The following ADGB variants were observed in gnomAD, a reference collection of about 807,000 sequenced individuals.
The protein encoded by ADGB is calpain-7-like protein.
In ADGB, 172 loss-of-function variants were observed where a neutral mutation model predicts 210.5. The observed-to-expected ratio is 0.82, with a 90% confidence interval of 0.72 to 0.93. The LOEUF is 0.93. Among genes scored for constraint, ADGB ranks in the 40% least tolerant of loss-of-function variants. The pLI, the probability that ADGB is intolerant of heterozygous loss-of-function variation, is 0.00. For missense variants in ADGB, 2,025 were observed against 1,964.8 expected, an observed-to-expected ratio of 1.03 and a Z score of -0.58; for synonymous variants, 658 against 662.7, an observed-to-expected ratio of 0.99 and a Z score of 0.11.
At chr6:146,656,725 T>G in intron 4 of ADGB, 46 bp from the exon 5 acceptor site, 1 of 1,363,408 alleles carries the variant, frequency 7.3e-7, no homozygotes, top group Non-Finnish European at 9.9e-7. Context: ...TTACAGTACC[T>G]ACAACTGAAA....
intron 1 of ADGB, among the ~76,000 whole-genome samples, chr6:146,621,713 A>G (rs145485384): frequency 1.3e-5 from 2 of 152,048 alleles, no homozygotes; most frequent in Admixed American, 1.3e-4. Context: ...GATGCTTAGG[A>G]TCTTCTATTC....
chr6:146,657,255 G>A (rs1023013248), intron 5 of ADGB, among the ~76,000 whole-genome samples: 1 of 151,734 alleles, frequency 6.6e-6, no homozygotes, highest in African/African-American at 2.4e-5. Flanking sequence ...GAACCCGGGA[G>A]GCAGAGGTTG....
intron 1 of ADGB, among the ~76,000 whole-genome samples, chr6:146,620,287 C>T (rs998473316): frequency 1.8e-4 from 27 of 152,076 alleles, no homozygotes; most frequent in African/African-American, 6.5e-4. Context: ...TATGTCTGAG[C>T]GTCCTCTCTT....
intron 3 of ADGB, among the ~76,000 whole-genome samples, chr6:146,653,862 G>A (rs113213885): frequency 0.014 from 2,171 of 152,136 alleles, 44 homozygotes; most frequent in African/African-American, 0.048. Flanking sequence ...ATTATCTTAA[G>A]GAATGTGTTT....
intron 26 of ADGB, among the ~76,000 whole-genome samples, chr6:146,751,583 T>C (rs1276369368): frequency 6.6e-6 from 1 of 152,176 alleles, no homozygotes; most frequent in Admixed American, 6.6e-5. Flanking sequence ...TGAACTAATT[T>C]ACATTCTCAC....
chr6:146,620,530 A>C (rs1189117095), intron 1 of ADGB, among the ~76,000 whole-genome samples: 3 of 151,896 alleles, frequency 2.0e-5, no homozygotes, highest in African/African-American at 7.3e-5. Flanking sequence ...TCCATCTTCA[A>C]GCTTGCTAAT....
intron 13 of ADGB, among the ~76,000 whole-genome samples, chr6:146,713,739 T>TC (rs1348764183): frequency 2.0e-5 from 3 of 152,134 alleles, no homozygotes; most frequent in Non-Finnish European, 4.4e-5. Flanking sequence ...ACAGAAGTTT[T>TC]CTTTTTTTTT....
At position 146,717,057 on chromosome 6, in the gene ADGB, G is replaced by A. The variant is rs1413777343; in HGVS notation, c.1916G>A (p.Cys639Tyr). The A allele has an allele frequency of 1.3e-6, 2 of 1,550,984 alleles. No homozygotes were observed. The highest frequency in any genetic ancestry group is 2.4e-5 in the East Asian group (1 of 40,886). The change falls in exon 15 of 36, where the codon TGT (cysteine) becomes TAT (tyrosine). Residue 639 changes from cysteine to tyrosine, a missense_variant. By Grantham distance (194) the Cys-to-Tyr change is radical. Coordinates refer to ENST00000397944, the MANE Select transcript of ADGB (RefSeq NM_024694.4). Reference sequence around the variant, plus strand: ...ATATGGTTAGATTTTGAAGATTTCTGTGTATGCTTTCAGTAAGTATACCAA... The same window carrying A: ...ATATGGTTAGATTTTGAAGATTTCTATGTATGCTTTCAGTAAGTATACCAA... ...KEIWLDFEDF[C>Y]VCFQNIYIFH...
chr6:146,674,620 A>G (rs1375409147), intron 8 of ADGB, among the ~76,000 whole-genome samples: 1 of 152,162 alleles, frequency 6.6e-6, no homozygotes, highest in Non-Finnish European at 1.5e-5. Flanking sequence ...CAGCCTAGCT[A>G]TGAGCTGAAA....
chr6:146,769,326 T>C (rs1562296584), intron 29 of ADGB, among the ~76,000 whole-genome samples, 195 bp downstream of exon 29: 1 of 152,168 alleles, frequency 6.6e-6, no homozygotes, highest in Admixed American at 6.5e-5. Flanking sequence ...TTACTGCCTG[T>C]TTTATAAGGA....
chr6:146,651,437 C>T (rs1775700993), intron 3 of ADGB, among the ~76,000 whole-genome samples: 1 of 152,160 alleles, frequency 6.6e-6, no homozygotes, highest in Non-Finnish European at 1.5e-5. Flanking sequence ...TATTCAAATG[C>T]TAGAAGTTGG....
In ADGB at chr6:146,781,055, C is replaced by T. The variant is rs553522017; in HGVS notation, c.3863-965C>T. ...TAAGAAATAAATTGGAGGCCGGGCG[C>T]GGTAGCTCACGCCTGTAATCCCAGC... is the stretch of plus-strand genomic sequence containing the variant. On this transcript the variant is annotated intron_variant, in intron 29 of 35. Coordinates refer to ENST00000397944, the MANE Select transcript of ADGB (RefSeq NM_024694.4). Among the ~76,000 whole-genome samples, 131 of 151,304 alleles carry T rather than the reference C, an allele frequency of 8.7e-4. 3 individuals are homozygous for T. The South Asian group carries it at 0.024, about 28-fold the overall frequency.
intron 2 of ADGB, among the ~76,000 whole-genome samples, chr6:146,642,386 A>G (rs1026650522): frequency 6.6e-6 from 1 of 151,980 alleles, no homozygotes; most frequent in African/African-American, 2.4e-5. Context: ...ATTACTGGCT[A>G]TATACCCAGA....
chr6:146,797,210 TG>T (rs778783592), intron 33 of ADGB, among the ~76,000 whole-genome samples: 5 of 152,114 alleles, frequency 3.3e-5, no homozygotes, highest in Admixed American at 6.5e-5. Context: ...GATCTGGGTG[TG>T]GGCATGATGA....
At chr6:146,734,884 C>G (rs1308838475) in intron 22 of ADGB, among the ~76,000 whole-genome samples, 11 of 152,092 alleles carry the variant, frequency 7.2e-5, no homozygotes, top group African/African-American at 2.7e-4. Context: ...CCACTGCACT[C>G]TAGCCTGGGC....
chr6:146,728,244 C>T (rs1340256511), intron 19 of ADGB, among the ~76,000 whole-genome samples: 3 of 152,100 alleles, frequency 2.0e-5, no homozygotes, highest in African/African-American at 2.4e-5. Flanking sequence ...AATCTCTGTT[C>T]GTCAGTCCTC....
In ADGB at chr6:146,656,767, C is replaced by G; in HGVS notation, c.403-4C>G. 1.3e-6 allele frequency: 2 copies of G among 1,517,342 alleles called. No homozygotes were observed. Among genetic ancestry groups the G allele is most frequent in the East Asian group, 2.5e-5 (1 of 40,358 alleles). 94.0% of individuals were successfully genotyped at this position (1,517,342 alleles called of 1,614,324 possible). ...CAATTAACCCTAATGTTTTTTATCT[C>G]TAGCTGATGAGATGGATTATCAGTG... On this transcript the variant is annotated splice_polypyrimidine_tract_variant and splice_region_variant and intron_variant, in intron 4 of 35. Transcript: ENST00000397944.
At chr6:146,666,943 T>C (rs1221363988) in intron 7 of ADGB, 41 bp downstream of exon 7, 3 of 1,417,804 alleles carry the variant, frequency 2.1e-6, no homozygotes, top group Non-Finnish European at 2.9e-6. Context: ...ATTTTTTTTA[T>C]CTTCCCAAGA....
chr6:146,711,578 G>A (rs959980143), intron 13 of ADGB, among the ~76,000 whole-genome samples: 23 of 152,080 alleles, frequency 1.5e-4, no homozygotes, highest in Non-Finnish European at 7.4e-5. Context: ...TAAAATTTAT[G>A]AGCACTTGCA....
Sources: gnomAD v4.1 joint callset for allele counts (sites outside exome capture counted in the v4.1 genomes callset) on GRCh38, gnomAD v4.1.1 for gene constraint, MANE v1.5 for transcripts, NCBI Gene and HGNC (gene_info 2026-07-23, HGNC 2026-07-21) for gene names.